ITGA8: variants seen among roughly 807,000 people sequenced by gnomAD.
The protein encoded by ITGA8 is integrin subunit alpha 8, also known as integrin alpha-8.
In ITGA8, 91 loss-of-function variants were observed where a neutral mutation model predicts 142.3. That is an observed-to-expected ratio of 0.64 (90% CI 0.54 to 0.76). The LOEUF is 0.76. Among genes scored for constraint, ITGA8 ranks in the 30% least tolerant of loss-of-function variants. ITGA8 has a pLI of 0.00. For synonymous variants in ITGA8, 505 were observed against 485.2 expected (o/e 1.04, Z -0.54); for missense variants, 1,406 against 1,327.7 (o/e 1.06, Z -0.92).
At chr10:15,544,250 A>C (rs902796931) in intron 27 of ITGA8, among the ~76,000 whole-genome samples, 5 of 152,146 alleles carry the variant, frequency 3.3e-5, no homozygotes, top group African/African-American at 1.2e-4. Flanking sequence ...GTGAGTTATG[A>C]CTGCACCACT....
intron 24 of ITGA8, among the ~76,000 whole-genome samples, chr10:15,575,231 A>G (rs555279189): frequency 1.3e-5 from 2 of 152,188 alleles, no homozygotes; most frequent in Admixed American, 1.3e-4. Flanking sequence ...TCTAGAAAAA[A>G]ATACAAAAAT....
chr10:15,577,217 T>G (rs888496411), intron 23 of ITGA8, among the ~76,000 whole-genome samples: 1 of 152,312 alleles, frequency 6.6e-6, no homozygotes, highest in Admixed American at 6.5e-5. Flanking sequence ...CTCTGAAAAC[T>G]TTTGTTTTTA....
intron 2 of ITGA8, among the ~76,000 whole-genome samples, chr10:15,711,859 A>G (rs1403538927): frequency 2.0e-5 from 3 of 152,230 alleles, no homozygotes; most frequent in Non-Finnish European, 2.9e-5. Context: ...CTTCAGGCCA[A>G]TACACTAAAC....
At chr10:15,597,681 T>A (rs931077038) in intron 20 of ITGA8, among the ~76,000 whole-genome samples, 1 of 152,182 alleles carries the variant, frequency 6.6e-6, no homozygotes, top group Non-Finnish European at 1.5e-5. Context: ...AACAAAATGA[T>A]CATAATGTGT....
Position 15,631,800 on chromosome 10 carries a change from A to G in ITGA8, c.1399+12230T>C, listed in dbSNP as rs146245946. On this transcript the variant is annotated intron_variant, in intron 13 of 29. Transcript: ENST00000378076. The stretch of plus-strand genomic sequence containing the variant: ...GGACTTCTAGCCCCACCCCCCCCAA[A>G]AAAAGCCATGGCTAAGCAGCAAATT... Among the ~76,000 whole-genome samples the G allele has an allele frequency of 8.4e-3, 1,264 of 150,102 alleles. 37 individuals carry two copies. Among genetic ancestry groups the G allele is most frequent in the African/African-American group, 0.03 (1,222 of 40,824 alleles).
intron 27 of ITGA8, among the ~76,000 whole-genome samples, chr10:15,533,832 T>A (rs1833361729): frequency 6.6e-6 from 1 of 152,234 alleles, no homozygotes; most frequent in African/African-American, 2.4e-5. Flanking sequence ...TAAGGGAACT[T>A]TCTTTCACTT....
chr10:15,626,547 C>A (rs919361075), intron 13 of ITGA8, among the ~76,000 whole-genome samples: 2 of 152,158 alleles, frequency 1.3e-5, no homozygotes, highest in African/African-American at 4.8e-5. Context: ...CCAATCAAAT[C>A]GCTGCTCCTA....
At chr10:15,624,049 T>C (rs1833539225) in intron 13 of ITGA8, among the ~76,000 whole-genome samples, 1 of 152,184 alleles carries the variant, frequency 6.6e-6, no homozygotes, top group Non-Finnish European at 1.5e-5. Context: ...TTCCACTGTG[T>C]AGATGGCCCA....
At chr10:15,666,162 C>T (rs987484992) in intron 8 of ITGA8, among the ~76,000 whole-genome samples, 2 of 152,098 alleles carry the variant, frequency 1.3e-5, no homozygotes, top group African/African-American at 4.8e-5. Context: ...ATGGAATGTT[C>T]TTCCATTTGT....
chr10:15,706,137 G>A (rs1253977687), intron 2 of ITGA8, among the ~76,000 whole-genome samples: 1 of 152,000 alleles, frequency 6.6e-6, no homozygotes, highest in African/African-American at 2.4e-5. Context: ...TCACATATCT[G>A]GACTCAACCC....
At chr10:15,608,321 A>G in intron 15 of ITGA8, 31 bp from the exon 16 acceptor site, 1 of 1,455,268 alleles carries the variant, frequency 6.9e-7, no homozygotes. Flanking sequence ...TTATTGGTTA[A>G]TAAAGTTTTG....
chr10:15,655,431 C>T (rs367558241), intron 10 of ITGA8, 25 bp from the exon 11 acceptor site: 10 of 1,565,280 alleles, frequency 6.4e-6, no homozygotes, highest in East Asian at 2.2e-5. Context: ...CAGGAGATGA[C>T]ATTTTGTGTC....
intron 28 of ITGA8, 32 bp downstream of exon 28, chr10:15,531,018 A>G (rs756617714): frequency 9.5e-7 from 1 of 1,051,840 alleles, no homozygotes; most frequent in South Asian, 1.5e-5. Context: ...CAATTAAATT[A>G]TTTGTGCCTA....
At chr10:15,661,674 T>C (rs1834289594) in intron 8 of ITGA8, among the ~76,000 whole-genome samples, 3 of 152,168 alleles carry the variant, frequency 2.0e-5, no homozygotes, top group Non-Finnish European at 2.9e-5. Context: ...TGTACTAGTA[T>C]AAAAATTACA....
intron 20 of ITGA8, among the ~76,000 whole-genome samples, chr10:15,599,752 C>A (rs1357591825): frequency 6.6e-6 from 1 of 152,124 alleles, no homozygotes; most frequent in Admixed American, 6.6e-5. Flanking sequence ...GAAACCCCAT[C>A]CCTACTGAAA....
chr10:15,700,011 T>C (rs1835132587), intron 2 of ITGA8, among the ~76,000 whole-genome samples: 1 of 152,200 alleles, frequency 6.6e-6, no homozygotes, highest in Non-Finnish European at 1.5e-5. Context: ...GTTATTAGTT[T>C]CATTGATTCA....
intron 1 of ITGA8, 21 bp from the exon 2 acceptor site, chr10:15,718,920 G>A: frequency 6.2e-7 from 1 of 1,613,782 alleles, no homozygotes; most frequent in Non-Finnish European, 8.5e-7. Flanking sequence ...GTTGGAGAAA[G>A]TCACTCTTTG....
chr10:15,567,149 C>A, intron 25 of ITGA8, among the ~76,000 whole-genome samples: 1 of 143,570 alleles, frequency 7.0e-6, no homozygotes, highest in South Asian at 2.1e-4. Context: ...AGTAAGACCC[C>A]ATCTCAAAAA....
At chr10:15,671,003 C>G (rs139936072) in intron 8 of ITGA8, among the ~76,000 whole-genome samples, 2,218 of 152,306 alleles carry the variant, frequency 0.015, 192 homozygotes, top group Admixed American at 0.14. Context: ...GCTTTTCTTA[C>G]TCTATGTTTA....
Sources: gnomAD v4.1 joint callset for allele counts (sites outside exome capture counted in the v4.1 genomes callset) on GRCh38, gnomAD v4.1.1 for gene constraint, MANE v1.5 for transcripts, NCBI Gene and HGNC (gene_info 2026-07-23, HGNC 2026-07-21) for gene names.